Variants in DEPTOR observed in about 807,000 individuals in gnomAD.
DEPTOR encodes the protein DEP domain containing MTOR interacting protein, also known as DEP domain-containing mTOR-interacting protein.
In DEPTOR, 41 loss-of-function variants were observed where a neutral mutation model predicts 41.6. The ratio of observed to expected loss-of-function variants is 0.98; its 90% CI spans 0.77 to 1.28. DEPTOR has a LOEUF of 1.28. Among genes scored for constraint, DEPTOR ranks in the 50% most tolerant of loss-of-function variants. DEPTOR has a pLI of 0.00. For missense variants in DEPTOR, 514 were observed against 527.9 expected (o/e 0.97, Z 0.26); for synonymous variants, 195 against 192.3 (o/e 1.01, Z -0.12).
chr8:119,941,417 A>T lies in DEPTOR; in HGVS notation c.425+11479A>T, dbSNP rs1455685760. On this transcript the variant is annotated intron_variant, in intron 3 of 8. Coordinates refer to ENST00000286234, the MANE Select transcript of DEPTOR (RefSeq NM_022783.4). ...AAAAAAGGTTAGAATGGTAAATTTT[A>T]TGTTGTGTATATTTTACCACAATAA... Among the ~76,000 whole-genome samples the T allele has an allele frequency of 3.4e-5, 5 of 148,372 alleles. No individual in the cohort carries two copies. The South Asian group carries it at 1.1e-3, about 32-fold the overall frequency.
chr8:120,024,845 A>G (rs1333132321), intron 8 of DEPTOR, among the ~76,000 whole-genome samples: 1 of 152,182 alleles, frequency 6.6e-6, no homozygotes, highest in Non-Finnish European at 1.5e-5. Context: ...CTGTAGTCCT[A>G]GGAAACAGAC....
chr8:119,996,062 A>C (rs1258909665), intron 4 of DEPTOR, among the ~76,000 whole-genome samples: 1 of 152,240 alleles, frequency 6.6e-6, no homozygotes, highest in Non-Finnish European at 1.5e-5. Context: ...CAAGTGATAC[A>C]TACAATTGTC....
intron 4 of DEPTOR, among the ~76,000 whole-genome samples, chr8:119,979,746 T>C (rs73705863): frequency 7.6e-4 from 116 of 152,282 alleles, no homozygotes; most frequent in African/African-American, 2.7e-3. Context: ...ATATTGGCAG[T>C]TGGCAAAGCC....
chr8:119,935,419 A>C (rs1828097923), intron 3 of DEPTOR, among the ~76,000 whole-genome samples: 1 of 152,134 alleles, frequency 6.6e-6, no homozygotes, highest in Non-Finnish European at 1.5e-5. Context: ...GGCAAAATAG[A>C]TTTATTTAAG....
intron 3 of DEPTOR, among the ~76,000 whole-genome samples, chr8:119,957,564 T>A (rs536484501): frequency 2.2e-5 from 2 of 90,972 alleles, no homozygotes; most frequent in Admixed American, 2.9e-4. Context: ...TGCACATGGG[T>A]CCTTCTATTT....
intron 4 of DEPTOR, among the ~76,000 whole-genome samples, chr8:119,994,437 A>G (rs1812224783): frequency 6.6e-6 from 1 of 152,214 alleles, no homozygotes; most frequent in African/African-American, 2.4e-5. Context: ...TTCATAATCT[A>G]GTTACTTCCC....
At position 120,001,518 on chromosome 8, in the gene DEPTOR, T is replaced by C; in HGVS notation, c.605-7T>C. 1 of 1,583,216 alleles carries C rather than the reference T, an allele frequency of 6.3e-7. No homozygotes were observed. Reference sequence around the variant, plus strand: ...TCCTCATTGGTTGTTTTTTTTTTTCTCCCCAGTGTCCAACAAGCACCCATT... The same window carrying C: ...TCCTCATTGGTTGTTTTTTTTTTTCCCCCCAGTGTCCAACAAGCACCCATT... On this transcript the variant is annotated splice_polypyrimidine_tract_variant and splice_region_variant and intron_variant, in intron 4 of 8. Transcript: ENST00000286234.
At chr8:119,886,697 A>C (rs1395489562) in intron 1 of DEPTOR, among the ~76,000 whole-genome samples, 4 of 152,222 alleles carry the variant, frequency 2.6e-5, no homozygotes, top group African/African-American at 9.7e-5. Flanking sequence ...ATAGTGTAAC[A>C]AATTAGAAAA....
chr8:119,961,416 CA>C lies in DEPTOR; in HGVS notation c.426-3799del, dbSNP rs34706393. Among the ~76,000 whole-genome samples, 568 of 108,550 alleles carry C rather than the reference CA, an allele frequency of 5.2e-3. 3 individuals carry two copies. Among genetic ancestry groups the C allele is most frequent in the South Asian group, 0.032 (91 of 2,866 alleles). 71.2% of individuals were successfully genotyped at this position (108,550 alleles called of 152,430 possible). A position where few individuals can be genotyped will look rare whatever the true frequency, so the allele number is the denominator to read the frequency against. On this transcript the variant is annotated intron_variant, in intron 3 of 8. Coordinates refer to ENST00000286234, the MANE Select transcript of DEPTOR (RefSeq NM_022783.4). ...GGGCAACAAGAGTGAAACTCCGTAT[CA>C]AAAAAAAAAAAAAAAAGTGGCTTGC...
At chr8:119,986,328 TTTTC>T (rs1304827997) in intron 4 of DEPTOR, among the ~76,000 whole-genome samples, 2 of 152,234 alleles carry the variant, frequency 1.3e-5, no homozygotes, top group African/African-American at 4.8e-5. Context: ...TTGAAAATTC[TTTTC>T]TTTAAGAATG....
chr8:119,966,014 CT>C (rs1828553815), intron 4 of DEPTOR, among the ~76,000 whole-genome samples: 1 of 152,156 alleles, frequency 6.6e-6, no homozygotes, highest in African/African-American at 2.4e-5. Flanking sequence ...AATTTAAAAT[CT>C]TTGGAAAAAA....
At chr8:119,917,571 A>G (rs1000507564) in intron 1 of DEPTOR, among the ~76,000 whole-genome samples, 1 of 152,244 alleles carries the variant, frequency 6.6e-6, no homozygotes, top group Admixed American at 6.5e-5. Context: ...TCAAGTACCC[A>G]GGGAAAGAAA....
At chr8:119,916,049 G>A (rs1827808438) in intron 1 of DEPTOR, among the ~76,000 whole-genome samples, 1 of 150,942 alleles carries the variant, frequency 6.6e-6, no homozygotes. Context: ...AACCCTATGA[G>A]ACATTCTCTA....
chr8:119,980,144 T>A (rs2130015826), intron 4 of DEPTOR, among the ~76,000 whole-genome samples: 1 of 151,666 alleles, frequency 6.6e-6, no homozygotes, highest in Middle Eastern at 3.4e-3. Context: ...GATTTTAAAT[T>A]TTCTAGTAGA....
intron 8 of DEPTOR, among the ~76,000 whole-genome samples, chr8:120,018,450 A>G (rs904897712): frequency 2.0e-4 from 30 of 152,128 alleles, no homozygotes; most frequent in African/African-American, 6.8e-4. Context: ...CTGGTAACAC[A>G]TGCCCACAAT....
chr8:119,912,843 G>A (rs10216503), intron 1 of DEPTOR, among the ~76,000 whole-genome samples: 75,818 of 152,106 alleles, frequency 0.5, 20,621 homozygotes, highest in East Asian at 0.92. Context: ...GATCTTGTGT[G>A]TGAGGATGTA....
At chr8:120,047,862 A>G (rs993803745) in intron 8 of DEPTOR, among the ~76,000 whole-genome samples, 15 of 145,984 alleles carry the variant, frequency 1.0e-4, no homozygotes, top group Non-Finnish European at 2.3e-4. Flanking sequence ...ACTGGCCAAC[A>G]TGGCGAACCC....
At chr8:120,007,707 G>A (rs1264652958) in intron 7 of DEPTOR, among the ~76,000 whole-genome samples, 1 of 152,130 alleles carries the variant, frequency 6.6e-6, no homozygotes, top group African/African-American at 2.4e-5. Flanking sequence ...CATTTGCTGA[G>A]GGCTATTTCA....
At chr8:119,948,016 G>A (rs1040260073) in intron 3 of DEPTOR, among the ~76,000 whole-genome samples, 2 of 151,988 alleles carry the variant, frequency 1.3e-5, no homozygotes, top group African/African-American at 2.4e-5. Context: ...TCACCATCTC[G>A]AAGGACCAAC....
Sources: allele counts gnomAD v4.1 joint callset (sites outside exome capture counted in the v4.1 genomes callset), GRCh38; gene constraint gnomAD v4.1.1; transcripts MANE v1.5; gene names NCBI Gene and HGNC (gene_info 2026-07-23, HGNC 2026-07-21).